The following DIAPH1 variants were observed in gnomAD, a reference collection of about 807,000 sequenced individuals.
DIAPH1 encodes diaphanous related formin 1, also known as protein diaphanous homolog 1.
In DIAPH1, 46 loss-of-function variants were observed where a neutral mutation model predicts 140.7. The ratio of observed to expected loss-of-function variants is 0.33; its 90% confidence interval spans 0.26 to 0.42. The LOEUF (loss-of-function observed/expected upper bound fraction) is 0.42. Ranked by LOEUF, DIAPH1 falls within the 10% of genes least tolerant of loss-of-function variation. DIAPH1 has a pLI of 1.00. For missense variants in DIAPH1, 1,310 were observed against 1,558.7 expected (o/e 0.84, Z 2.69); for synonymous variants, 565 against 551.6 (o/e 1.02, Z -0.34).
intron 18 of DIAPH1, among the ~76,000 whole-genome samples, chr5:141,540,783 T>C (rs933262192): frequency 1.3e-5 from 2 of 151,160 alleles, no homozygotes; most frequent in Admixed American, 6.6e-5. Context: ...TTTCAGGCCC[T>C]GTGTGGTGGC....
intron 18 of DIAPH1, among the ~76,000 whole-genome samples, chr5:141,548,768 C>T (rs952288865): frequency 6.6e-6 from 1 of 152,028 alleles, no homozygotes; most frequent in Non-Finnish European, 1.5e-5. Context: ...AATCATGCCA[C>T]TGTACTCCAG....
intron 18 of DIAPH1, among the ~76,000 whole-genome samples, chr5:141,556,878 A>G (rs1429673939): frequency 6.6e-6 from 1 of 152,156 alleles, no homozygotes; most frequent in Non-Finnish European, 1.5e-5. Flanking sequence ...TATTTTTAGT[A>G]GAGACGAGGT....
chr5:141,522,652 C>T (rs1331410643), intron 27 of DIAPH1, among the ~76,000 whole-genome samples: 1 of 150,728 alleles, frequency 6.6e-6, no homozygotes, highest in Non-Finnish European at 1.5e-5. Context: ...GTTAAGGCCA[C>T]ATCACCTTGT....
chr5:141,615,321 T>C (rs999758652), intron 1 of DIAPH1, among the ~76,000 whole-genome samples: 3 of 150,126 alleles, frequency 2.0e-5, no homozygotes, highest in African/African-American at 7.4e-5. Flanking sequence ...TAATCCCAGC[T>C]GCTTGGAAGG....
chr5:141,541,187 T>A (rs1160700869), intron 18 of DIAPH1, among the ~76,000 whole-genome samples: 1 of 152,214 alleles, frequency 6.6e-6, no homozygotes, highest in African/African-American at 2.4e-5. Flanking sequence ...ATATCAGCAT[T>A]TGACAAAATT....
intron 17 of DIAPH1, 21 bp downstream of exon 17, chr5:141,571,905 A>G: frequency 6.5e-7 from 1 of 1,535,386 alleles, no homozygotes; most frequent in Non-Finnish European, 9.0e-7. Flanking sequence ...GGACCTTTGC[A>G]TCAAAGAGGA....
At chr5:141,517,892 G>A (rs2099885937) in intron 27 of DIAPH1, among the ~76,000 whole-genome samples, 1 of 152,130 alleles carries the variant, frequency 6.6e-6, no homozygotes, top group African/African-American at 2.4e-5. Flanking sequence ...TTCATTTATG[G>A]TATCTAGGCT....
At chr5:141,603,241 G>A (rs1228087178) in intron 1 of DIAPH1, among the ~76,000 whole-genome samples, 1 of 152,136 alleles carries the variant, frequency 6.6e-6, no homozygotes, top group Non-Finnish European at 1.5e-5. Flanking sequence ...TGCCTCAGCA[G>A]CCCCACAGCT....
chr5:141,528,455 C>T lies in DIAPH1; in HGVS notation c.3146G>A (p.Arg1049Gln), dbSNP rs755247462. The T allele has an allele frequency of 6.2e-7, 1 of 1,614,172 alleles. No individual in the cohort carries two copies. Among genetic ancestry groups the T allele is most frequent in the Non-Finnish European group, 8.5e-7 (1 of 1,180,018 alleles). ...AGCTTCATTCCAAACTGCCCCACCT[C>T]GGCTGGCTTTCTCCACATGGGCAAG... is the stretch of plus-strand genomic sequence containing the variant. ...DELAHVEKASRVSAENLQKNL... is the reference protein window; with the variant it reads ...DELAHVEKASQVSAENLQKNL... The change falls in exon 23 of 28, where the codon CGA becomes CAA. Residue 1049 changes from arginine to glutamine, a missense_variant and splice_region_variant. Coordinates refer to ENST00000389054, the MANE Select transcript of DIAPH1 (RefSeq NM_005219.5).
intron 19 of DIAPH1, among the ~76,000 whole-genome samples, chr5:141,531,077 C>T (rs1463878321): frequency 1.3e-5 from 2 of 152,136 alleles, no homozygotes; most frequent in Non-Finnish European, 2.9e-5. Flanking sequence ...CTGATTTATT[C>T]CATAACCACA....
At chr5:141,524,482 T>C in intron 26 of DIAPH1, 1 of 528,870 alleles carries the variant, frequency 1.9e-6, no homozygotes, top group South Asian at 2.0e-5. Flanking sequence ...TTTCCCGCAA[T>C]GCCATCCTCC....
At chr5:141,608,246 G>A (rs1362632868) in intron 1 of DIAPH1, among the ~76,000 whole-genome samples, 1 of 152,230 alleles carries the variant, frequency 6.6e-6, no homozygotes, top group Non-Finnish European at 1.5e-5. Flanking sequence ...CCAGGCTGCA[G>A]TGGGCCATGA....
intron 18 of DIAPH1, among the ~76,000 whole-genome samples, chr5:141,552,752 G>A (rs2099891920): frequency 6.6e-6 from 1 of 152,086 alleles, no homozygotes; most frequent in African/African-American, 2.4e-5. Flanking sequence ...GAGGAAATCT[G>A]GACACACAAA....
chr5:141,520,351 A>G (rs989569167), intron 27 of DIAPH1, among the ~76,000 whole-genome samples: 22 of 152,188 alleles, frequency 1.4e-4, no homozygotes, highest in African/African-American at 5.1e-4. Flanking sequence ...CCTCATGCTG[A>G]AATGTGGACT....
At chr5:141,559,877 GTTTTA>G (rs1003944873) in intron 18 of DIAPH1, among the ~76,000 whole-genome samples, 1 of 152,136 alleles carries the variant, frequency 6.6e-6, no homozygotes, top group Non-Finnish European at 1.5e-5. Flanking sequence ...ATTAAAAAAT[GTTTTA>G]TTATGGGAAA....
At position 141,582,393 on chromosome 5, in the gene DIAPH1, A is replaced by T. The variant is rs372227402; in HGVS notation, c.621-18T>A. On this transcript the variant is annotated intron_variant, in intron 6 of 27. Coordinates refer to ENST00000389054, the MANE Select transcript of DIAPH1 (RefSeq NM_005219.5). ...CGTAACTCCTGTATATAGAAGACAT[A>T]ATCAGTGAGGTCCCTTTATTCTCTA... is the stretch of plus-strand genomic sequence containing the variant. 196 of 1,586,362 alleles carry T rather than the reference A, an allele frequency of 1.2e-4. No homozygotes were observed. The highest frequency in any genetic ancestry group is 1.5e-4 in the Non-Finnish European group (172 of 1,154,828).
intron 18 of DIAPH1, among the ~76,000 whole-genome samples, chr5:141,561,089 G>T (rs1478870988): frequency 6.6e-6 from 1 of 151,976 alleles, no homozygotes; most frequent in Non-Finnish European, 1.5e-5. Flanking sequence ...AAAGAAAAAT[G>T]CAAGCAGAAT....
intron 1 of DIAPH1, among the ~76,000 whole-genome samples, chr5:141,603,243 C>T (rs2099900441): frequency 6.6e-6 from 1 of 152,144 alleles, no homozygotes; most frequent in South Asian, 2.1e-4. Context: ...CCTCAGCAGC[C>T]CCACAGCTAA....
intron 1 of DIAPH1, among the ~76,000 whole-genome samples, chr5:141,594,117 T>C (rs903970168): frequency 2.6e-5 from 4 of 152,180 alleles, no homozygotes; most frequent in Non-Finnish European, 5.9e-5. Flanking sequence ...TTTCAATTCA[T>C]GGCTGGTGGG....
Sources: allele counts gnomAD v4.1 joint callset (sites outside exome capture counted in the v4.1 genomes callset), GRCh38; gene constraint gnomAD v4.1.1; transcripts MANE v1.5; gene names NCBI Gene and HGNC (gene_info 2026-07-23, HGNC 2026-07-21).